Variants in ALMS1 observed in about 807,000 individuals in gnomAD.
ALMS1 encodes the protein centrosome-associated protein ALMS1.
A neutral mutation model predicts 352.2 loss-of-function variants in ALMS1; 271 were observed. The observed-to-expected ratio is 0.77, with a 90% CI of 0.70 to 0.85. The LOEUF is 0.85. Ranked by LOEUF, ALMS1 falls within the 40% of genes least tolerant of loss-of-function variation. The probability of loss-of-function intolerance (pLI) is 0.00; values close to 1 mark genes in which losing one functional copy is unlikely to be tolerated. For missense variants in ALMS1, 5,445 were observed against 4,870.7 expected (o/e 1.12, Z -3.51); for synonymous variants, 1,865 against 1,761.2 (o/e 1.06, Z -1.48).
In ALMS1 at chr2:73,576,702, C is replaced by T. The variant is rs1272747380; in HGVS notation, c.11547+3278C>T. Among the ~76,000 whole-genome samples, 7 of 151,734 alleles carry T rather than the reference C, an allele frequency of 4.6e-5. No homozygotes were observed. In the East Asian group the frequency reaches 1.4e-3, roughly 29 times the overall value. ...ATGACGTGATCTCAGCTCACTGCAA[C>T]CTCTGCCTCCTGGGTTCAACCAATT... On this transcript the variant is annotated intron_variant, in intron 16 of 22. Transcript: ENST00000613296.
chr2:73,514,737 CCTGAAGTCT>C (rs964074849), intron 10 of ALMS1, among the ~76,000 whole-genome samples: 3 of 152,038 alleles, frequency 2.0e-5, no homozygotes, highest in African/African-American at 7.2e-5. Context: ...TTTAGTATTT[CCTGAAGTCT>C]TCTGGGGATT....
intron 1 of ALMS1, among the ~76,000 whole-genome samples, chr2:73,407,962 TTGTG>T (rs924684021): frequency 1.3e-5 from 2 of 152,158 alleles, no homozygotes; most frequent in African/African-American, 4.8e-5. Context: ...TTTTTTCTCT[TTGTG>T]TGCATTCTTC....
At chr2:73,559,256 T>A (rs1443386458) in intron 15 of ALMS1, 114 bp downstream of exon 15, 42 of 1,351,478 alleles carry the variant, frequency 3.1e-5, no homozygotes, top group Non-Finnish European at 4.2e-5. Flanking sequence ...AAACAAAAAT[T>A]CCTTTTCTTT....
chr2:73,446,959 T>A (rs995254301), intron 7 of ALMS1, among the ~76,000 whole-genome samples: 6 of 152,194 alleles, frequency 3.9e-5, no homozygotes, highest in Non-Finnish European at 8.8e-5. Flanking sequence ...TATATATCAA[T>A]CATCTTAACA....
chr2:73,543,450 G>A (rs1255257107), intron 12 of ALMS1, among the ~76,000 whole-genome samples: 3 of 152,148 alleles, frequency 2.0e-5, no homozygotes, highest in Admixed American at 1.3e-4. Flanking sequence ...CAGGACACAG[G>A]CATGGTCAAG....
intron 7 of ALMS1, among the ~76,000 whole-genome samples, chr2:73,447,145 C>T (rs1489988621): frequency 5.3e-5 from 8 of 152,158 alleles, no homozygotes; most frequent in Non-Finnish European, 4.4e-5. Flanking sequence ...GACAGCTTGT[C>T]AAATCCTGTC....
At chr2:73,395,509 C>G (rs1389222686) in intron 1 of ALMS1, among the ~76,000 whole-genome samples, 5 of 152,070 alleles carry the variant, frequency 3.3e-5, no homozygotes, top group Admixed American at 1.3e-4. Flanking sequence ...CAGAATTGCA[C>G]TTTTTTTCTT....
chr2:73,491,235 G>A lies in ALMS1; in HGVS notation c.9276G>A (p.Ser3092=), dbSNP rs1462656920. The stretch of plus-strand genomic sequence containing the variant: ...ACTTTGACTTACATACTGTATCTTC[G>A]AGATCACTGGAACCAACCTCCAAAT... ...EFNFDLHTVS[S]RSLEPTSKLL... Residue 3092 remains serine (S), a synonymous_variant, in exon 10 of 23, where the codon TCG becomes TCA. Coordinates refer to ENST00000613296, the MANE Select transcript of ALMS1 (RefSeq NM_001378454.1). The A allele has an allele frequency of 4.3e-6, 7 of 1,614,072 alleles. No individual in the cohort carries two copies. In the African/African-American group the frequency reaches 5.3e-5, roughly 12 times the overall value.
chr2:73,423,989 G>T (rs1027480796), intron 4 of ALMS1, among the ~76,000 whole-genome samples: 2 of 152,004 alleles, frequency 1.3e-5, no homozygotes, highest in Non-Finnish European at 1.5e-5. Context: ...TATTGCCAAG[G>T]CTTGTCTTGA....
intron 1 of ALMS1, among the ~76,000 whole-genome samples, chr2:73,403,770 T>G (rs752408129): frequency 3.3e-5 from 5 of 152,208 alleles, no homozygotes; most frequent in Non-Finnish European, 7.3e-5. Context: ...TAAGTCTTTT[T>G]ATTTTGTTTT....
At chr2:73,442,977 T>C (rs574799310) in intron 7 of ALMS1, among the ~76,000 whole-genome samples, 37 of 152,310 alleles carry the variant, frequency 2.4e-4, no homozygotes, top group African/African-American at 8.4e-4. Context: ...GTCTACTTAT[T>C]AGCCAAGCTA....
At chr2:73,557,970 A>G (rs1163315626) in intron 14 of ALMS1, among the ~76,000 whole-genome samples, 1 of 152,210 alleles carries the variant, frequency 6.6e-6, no homozygotes, top group Non-Finnish European at 1.5e-5. Context: ...TTGTTACTCT[A>G]ACATTTTTGG....
At position 73,424,573 on chromosome 2, in the gene ALMS1, G is replaced by A; in HGVS notation, c.908G>A (p.Ser303Asn). 1 of 1,613,992 alleles carries A rather than the reference G, an allele frequency of 6.2e-7. No homozygotes were observed. The highest frequency in any genetic ancestry group is 8.5e-7 in the Non-Finnish European group (1 of 1,180,018). Reference sequence around the variant, plus strand: ...GTATCTCAGCACCCGCTTATAGGCAGCACAGCTGTTGGGTCTCAGTGCCCT... The same window carrying A: ...GTATCTCAGCACCCGCTTATAGGCAACACAGCTGTTGGGTCTCAGTGCCCT... ...FSVSQHPLIG[S>N]TAVGSQCPFL... The change falls in exon 5 of 23, where the codon AGC (serine) becomes AAC (asparagine). Residue 303 changes from serine to asparagine, a missense_variant. Physicochemically the swap from Ser to Asn is conservative, Grantham distance 46. Coordinates refer to ENST00000613296, the MANE Select transcript of ALMS1 (RefSeq NM_001378454.1).
chr2:73,573,381 A>T lies in ALMS1; in HGVS notation c.11504A>T (p.His3835Leu), dbSNP rs1384066550. ...AGCAAGAAAGTGCTGAATACAGGTC[A>T]TCCCCTAGTGACTTCTGAGCACACC... The part of the protein sequence containing the change: ...KHSKKVLNTG[H>L]PLVTSEHTRR... The change falls in exon 16 of 23, where the codon CAT becomes CTT. Residue 3835 changes from histidine (H) to leucine (L), a missense_variant. Physicochemically the swap from His to Leu is moderately conservative, Grantham distance 99. Transcript: ENST00000613296. 2 of 1,614,124 alleles carry T rather than the reference A, an allele frequency of 1.2e-6. No homozygotes were observed. The highest frequency in any genetic ancestry group is 2.2e-5 in the East Asian group (1 of 44,870).
chr2:73,443,072 A>G (rs947615656), intron 7 of ALMS1, among the ~76,000 whole-genome samples: 2 of 152,126 alleles, frequency 1.3e-5, no homozygotes, highest in Non-Finnish European at 2.9e-5. Context: ...TCTTTTCTGA[A>G]TTACTGCATT....
intron 2 of ALMS1, among the ~76,000 whole-genome samples, chr2:73,417,181 A>G (rs1389940894): frequency 6.6e-6 from 1 of 152,192 alleles, no homozygotes; most frequent in East Asian, 1.9e-4. Context: ...GTTAAATTCA[A>G]GAAATAGAGA....
At chr2:73,565,549 T>C (rs1204140786) in intron 15 of ALMS1, among the ~76,000 whole-genome samples, 2 of 152,156 alleles carry the variant, frequency 1.3e-5, no homozygotes, top group African/African-American at 4.8e-5. Flanking sequence ...CACTCTTAAC[T>C]AATGGGTTGC....
chr2:73,501,351 A>G (rs1673215077), intron 10 of ALMS1, among the ~76,000 whole-genome samples: 1 of 151,988 alleles, frequency 6.6e-6, no homozygotes, highest in Non-Finnish European at 1.5e-5. Context: ...TTTAATGATT[A>G]GTACTTTTTT....
chr2:73,412,015 T>G (rs1671087574), intron 2 of ALMS1, among the ~76,000 whole-genome samples: 1 of 152,228 alleles, frequency 6.6e-6, no homozygotes, highest in South Asian at 2.1e-4. Context: ...TTTCAAGAGT[T>G]GTCTATACAT....
Sources: allele counts gnomAD v4.1 joint callset (sites outside exome capture counted in the v4.1 genomes callset), GRCh38; gene constraint gnomAD v4.1.1; transcripts MANE v1.5; gene names NCBI Gene and HGNC (gene_info 2026-07-23, HGNC 2026-07-21).